Variants in GRIA2 observed in about 807,000 individuals in gnomAD.
The protein encoded by GRIA2 is glutamate ionotropic receptor AMPA type subunit 2.
Under a neutral mutation model 97.3 loss-of-function variants are expected in GRIA2, and 14 were observed. The ratio of observed to expected loss-of-function variants is 0.14; its 90% CI spans 0.10 to 0.23. GRIA2 has a LOEUF of 0.23. Ranked by LOEUF, GRIA2 falls within the 10% of genes least tolerant of loss-of-function variation. The pLI, the probability that GRIA2 is intolerant of heterozygous loss-of-function variation, is 1.00. For missense variants in GRIA2, 558 were observed against 1,069.8 expected (o/e 0.52, Z 6.67); for synonymous variants, 412 against 387.8 (o/e 1.06, Z -0.73).
chr4:157,248,140 G>A (rs1010223703), intron 2 of GRIA2, among the ~76,000 whole-genome samples: 1 of 150,452 alleles, frequency 6.6e-6, no homozygotes, highest in East Asian at 1.9e-4. Flanking sequence ...ATATCCAGTC[G>A]ATAGTCTATA....
intron 12 of GRIA2, chr4:157,342,455 G>A: frequency 3.0e-6 from 3 of 984,484 alleles, no homozygotes; most frequent in Non-Finnish European, 3.6e-6. Flanking sequence ...AAGAGTCCAG[G>A]ACCTTGATGA....
chr4:157,231,304 G>C (rs1474397701), intron 2 of GRIA2, among the ~76,000 whole-genome samples: 1 of 152,120 alleles, frequency 6.6e-6, no homozygotes, highest in Non-Finnish European at 1.5e-5. Flanking sequence ...CTCCCAAAGT[G>C]CTGGGATTAC....
intron 6 of GRIA2, among the ~76,000 whole-genome samples, chr4:157,322,242 AGTGTGTGTGTGTGTGTGTGT>A (rs35080512): frequency 2.9e-5 from 4 of 137,158 alleles, no homozygotes; most frequent in Non-Finnish European, 4.8e-5. Flanking sequence ...AGAGAGAGAG[AGTGTGTGTGTGTGTGTGTGT>A]GTGTGTGTGT....
At chr4:157,230,833 G>T (rs1729978540) in intron 2 of GRIA2, among the ~76,000 whole-genome samples, 1 of 151,724 alleles carries the variant, frequency 6.6e-6, no homozygotes, top group Non-Finnish European at 1.5e-5. Context: ...ATTTGGTTTT[G>T]ATTTTTTTTC....
chr4:157,289,722 A>C (rs760239652), intron 2 of GRIA2, among the ~76,000 whole-genome samples: 12 of 152,000 alleles, frequency 7.9e-5, no homozygotes, highest in Admixed American at 3.3e-4. Flanking sequence ...GATGCATATC[A>C]TACAGTAGCA....
chr4:157,341,339 C>A lies in GRIA2; in HGVS notation c.1920C>A (p.Asn640Lys). 6.2e-7 allele frequency: 1 copy of A among 1,612,550 alleles called. No homozygotes were observed. Among genetic ancestry groups the A allele is most frequent in the Non-Finnish European group, 8.5e-7 (1 of 1,178,778 alleles). Residue 640 changes from asparagine (N) to lysine (K), a missense_variant, in exon 12 of 16, where the codon AAC (asparagine) becomes AAA (lysine). Asn to Lys is a moderately conservative substitution (Grantham distance 94). This residue lies in a region of GRIA2 where 125 missense variants were observed against 310.2 expected (regional missense o/e 0.40). Transcript: ENST00000264426. ...TLIIISSYTA[N>K]LAAFLTVERM... ...TCATAATCTCCTCCTACACGGCTAA[C>A]TTAGCTGCCTTCCTGACTGTAGAGA...
chr4:157,261,033 A>G (rs1467644952), intron 2 of GRIA2, among the ~76,000 whole-genome samples: 1 of 152,054 alleles, frequency 6.6e-6, no homozygotes, highest in Admixed American at 6.6e-5. Context: ...AAGATATTAC[A>G]TGTATTAGTC....
In GRIA2 at chr4:157,274,629, G is replaced by C. The variant is rs1020491581; in HGVS notation, c.230-28923G>C. 4.1e-5 allele frequency among the ~76,000 whole-genome samples: 6 copies of C among 148,044 alleles called. No individual in the cohort carries two copies. In the South Asian group the frequency reaches 1.1e-3, roughly 26 times the overall value. ...GAGAACATGCGGTGTTTGGCTTTTT[G>C]TCCTTGCGATAGTTTGCTGAGAATG... On this transcript the variant is annotated intron_variant, in intron 2 of 15. Transcript: ENST00000264426.
At chr4:157,236,224 T>A (rs532458999) in intron 2 of GRIA2, among the ~76,000 whole-genome samples, 206 of 152,136 alleles carry the variant, frequency 1.4e-3, no homozygotes, top group African/African-American at 4.7e-3. Flanking sequence ...TTTTGAAGCT[T>A]AAAAATTGTG....
At chr4:157,242,149 G>C (rs1579297919) in intron 2 of GRIA2, among the ~76,000 whole-genome samples, 1 of 151,990 alleles carries the variant, frequency 6.6e-6, no homozygotes. Flanking sequence ...TTCAGCATAT[G>C]GTTTTGAATT....
At chr4:157,316,182 G>A (rs1734310882) in intron 4 of GRIA2, among the ~76,000 whole-genome samples, 1 of 152,090 alleles carries the variant, frequency 6.6e-6, no homozygotes, top group South Asian at 2.1e-4. Context: ...GATGTCAGCA[G>A]GAAATAGGAG....
intron 2 of GRIA2, among the ~76,000 whole-genome samples, chr4:157,274,178 G>T (rs1280908063): frequency 6.6e-6 from 1 of 151,812 alleles, no homozygotes; most frequent in Non-Finnish European, 1.5e-5. Flanking sequence ...AACAAAACCT[G>T]AGGGAATTTT....
At position 157,336,755 on chromosome 4, in the gene GRIA2, AC is replaced by A. The variant is rs769337464; in HGVS notation, c.1844+9del. 8 of 1,605,066 alleles carry A rather than the reference AC, an allele frequency of 5.0e-6. No individual in the cohort carries two copies. The African/African-American group carries it at 1.1e-4, about 21-fold the overall frequency. The stretch of plus-strand genomic sequence containing the variant: ...ATGCGATATTTCGCCAAGGTTGGTT[AC>A]TCACCTGCTTCAACTTTGTGCATTT... On this transcript the variant is annotated intron_variant, in intron 11 of 15. Transcript: ENST00000264426.
intron 2 of GRIA2, among the ~76,000 whole-genome samples, chr4:157,236,022 G>A (rs1730230170): frequency 6.6e-6 from 1 of 151,750 alleles, no homozygotes; most frequent in Non-Finnish European, 1.5e-5. Context: ...TTAAACCTTG[G>A]TTATTATAGG....
chr4:157,356,127 ATATATATT>A (rs1447014460), intron 12 of GRIA2, among the ~76,000 whole-genome samples: 5 of 127,048 alleles, frequency 3.9e-5, no homozygotes, highest in East Asian at 4.3e-4. Context: ...ATATATATTT[ATATATATT>A]TATATATTTA....
intron 2 of GRIA2, among the ~76,000 whole-genome samples, chr4:157,291,081 G>A (rs534743168): frequency 2.0e-5 from 3 of 151,632 alleles, no homozygotes; most frequent in African/African-American, 4.8e-5. Flanking sequence ...AATAACTTAC[G>A]GTGAAGCACA....
intron 6 of GRIA2, among the ~76,000 whole-genome samples, chr4:157,331,336 C>T (rs181044600): frequency 1.6e-4 from 25 of 151,852 alleles, no homozygotes; most frequent in African/African-American, 2.7e-4. Context: ...ATTTGGTAGA[C>T]GGCTTTATAG....
chr4:157,317,078 T>A (rs1734357121), intron 4 of GRIA2, among the ~76,000 whole-genome samples: 1 of 152,234 alleles, frequency 6.6e-6, no homozygotes, highest in South Asian at 2.1e-4. Flanking sequence ...CTGGCAATAA[T>A]GTCCCTTTGG....
chr4:157,248,568 T>C (rs7668663), intron 2 of GRIA2, among the ~76,000 whole-genome samples: 3 of 10,604 alleles, frequency 2.8e-4, no homozygotes, highest in Non-Finnish European at 4.4e-4. Context: ...TATATATACG[T>C]GTGTATATAT....
Sources: allele counts gnomAD v4.1 joint callset (sites outside exome capture counted in the v4.1 genomes callset), GRCh38; gene constraint gnomAD v4.1.1; regional missense constraint gnomAD v4.1.1; transcripts MANE v1.5; gene names NCBI Gene and HGNC (gene_info 2026-07-23, HGNC 2026-07-21).